The following FER variants were observed in gnomAD, a reference collection of about 807,000 sequenced individuals.
FER encodes FER tyrosine kinase.
In FER, 63 loss-of-function variants were observed where a neutral mutation model predicts 111.0. The observed-to-expected ratio is 0.57, with a 90% CI of 0.46 to 0.70. The LOEUF (loss-of-function observed/expected upper bound fraction) is 0.70, where lower values mean the gene tolerates loss of function less well. Ranked by LOEUF, FER falls within the 30% of genes least tolerant of loss-of-function variation. The pLI is 0.00. For synonymous variants in FER, 327 were observed against 313.9 expected, an observed-to-expected ratio of 1.04 and a Z score of -0.44; for missense variants, 914 against 954.0, an observed-to-expected ratio of 0.96 and a Z score of 0.55.
chr5:108,861,906 A>G (rs1430785210), intron 5 of FER, among the ~76,000 whole-genome samples: 1 of 152,216 alleles, frequency 6.6e-6, no homozygotes, highest in East Asian at 1.9e-4. Context: ...AAAGTAACAT[A>G]GAATCCCTTT....
chr5:109,120,617 T>G (rs1487451876), intron 17 of FER, among the ~76,000 whole-genome samples: 1 of 152,102 alleles, frequency 6.6e-6, no homozygotes, highest in African/African-American at 2.4e-5. Context: ...TTTAGCTTTG[T>G]TTTTTTCTGT....
intron 10 of FER, among the ~76,000 whole-genome samples, chr5:108,938,555 A>G (rs2149603511): frequency 6.6e-6 from 1 of 152,140 alleles, no homozygotes; most frequent in African/African-American, 2.4e-5. Context: ...ATTTTGCCAC[A>G]AGGGAGCACC....
chr5:108,921,482 G>T (rs1440513428), intron 10 of FER, among the ~76,000 whole-genome samples: 1 of 152,040 alleles, frequency 6.6e-6, no homozygotes, highest in Non-Finnish European at 1.5e-5. Flanking sequence ...CTATGTAGGG[G>T]AGGCTAAGTA....
intron 17 of FER, among the ~76,000 whole-genome samples, chr5:109,172,204 A>G (rs1337154688): frequency 6.6e-6 from 1 of 151,946 alleles, no homozygotes; most frequent in Non-Finnish European, 1.5e-5. Flanking sequence ...TTGCGGCACT[A>G]TTCACAATAG....
intron 13 of FER, among the ~76,000 whole-genome samples, chr5:109,016,281 T>C (rs376029367): frequency 3.3e-5 from 5 of 152,036 alleles, no homozygotes; most frequent in Admixed American, 2.0e-4. Context: ...TTCTATAGGC[T>C]GATGATAAGC....
chr5:108,894,130 G>C (rs1748659996), intron 9 of FER, among the ~76,000 whole-genome samples: 1 of 152,004 alleles, frequency 6.6e-6, no homozygotes. Context: ...GGACTGGAAG[G>C]CTTTGAAGTT....
chr5:108,983,463 T>C (rs1019913836), intron 13 of FER, among the ~76,000 whole-genome samples: 3 of 152,146 alleles, frequency 2.0e-5, no homozygotes, highest in African/African-American at 7.2e-5. Flanking sequence ...GGCAGAAATA[T>C]GGACAGCTGA....
chr5:108,987,345 C>G (rs552870933), intron 13 of FER, among the ~76,000 whole-genome samples: 25 of 152,094 alleles, frequency 1.6e-4, no homozygotes, highest in African/African-American at 5.8e-4. Flanking sequence ...ACTTGGGAGG[C>G]TAAGGCAGGA....
At chr5:109,112,519 A>G (rs995680262) in intron 17 of FER, among the ~76,000 whole-genome samples, 2 of 152,092 alleles carry the variant, frequency 1.3e-5, no homozygotes, top group African/African-American at 2.4e-5. Flanking sequence ...CCACTGCTTC[A>G]AAGCAGGCTC....
At chr5:109,145,361 C>T (rs1753970473) in intron 17 of FER, among the ~76,000 whole-genome samples, 1 of 152,022 alleles carries the variant, frequency 6.6e-6, no homozygotes, top group East Asian at 1.9e-4. Context: ...CTTTGCTAAG[C>T]TTTACAACAA....
intron 18 of FER, 68 bp downstream of exon 18, chr5:109,180,969 C>G: frequency 7.5e-7 from 1 of 1,339,774 alleles, no homozygotes; most frequent in Non-Finnish European, 1.0e-6. Context: ...CATTCACAAG[C>G]AATATTTACA....
At chr5:109,006,435 C>G (rs982929996) in intron 13 of FER, among the ~76,000 whole-genome samples, 1 of 152,172 alleles carries the variant, frequency 6.6e-6, no homozygotes, top group Non-Finnish European at 1.5e-5. Context: ...TGAGACAAGC[C>G]TTTGCTTCTT....
intron 17 of FER, among the ~76,000 whole-genome samples, chr5:109,155,188 A>G (rs1444365496): frequency 2.0e-5 from 3 of 151,908 alleles, no homozygotes; most frequent in Non-Finnish European, 4.4e-5. Context: ...GGGAATGAAG[A>G]ACCAGATATT....
chr5:109,157,462 T>G (rs1271415856), intron 17 of FER, among the ~76,000 whole-genome samples: 1 of 152,150 alleles, frequency 6.6e-6, no homozygotes, highest in Non-Finnish European at 1.5e-5. Flanking sequence ...AATTTTCTGC[T>G]GGAGTGTACA....
At chr5:108,958,181 TC>T (rs1317852516) in intron 12 of FER, among the ~76,000 whole-genome samples, 1 of 151,784 alleles carries the variant, frequency 6.6e-6, no homozygotes, top group Non-Finnish European at 1.5e-5. Flanking sequence ...ATACATTCAA[TC>T]TTTTTTATTT....
At position 108,849,610 on chromosome 5, in the gene FER, C is replaced by G. The variant is rs182904376; in HGVS notation, c.481+13803C>G. Among the ~76,000 whole-genome samples, 29 of 152,236 alleles carry G rather than the reference C, an allele frequency of 1.9e-4. 1 individual carries two copies. The highest frequency in any genetic ancestry group is 1.1e-3 in the Admixed American group (17 of 15,286). ...AACATACTGAATACCACTATAATAA[C>G]TGTTTTGAAATCCTTGTCACCCAGT... On this transcript the variant is annotated intron_variant, in intron 5 of 19. Coordinates refer to ENST00000281092, the MANE Select transcript of FER (RefSeq NM_005246.4).
Position 109,190,765 on chromosome 5 carries a change from G to A in FER, c.*3190G>A, listed in dbSNP as rs1285035425. The A allele has an allele frequency of 6.6e-6, 1 of 151,968 alleles. No individual in the cohort carries two copies. The highest frequency in any genetic ancestry group is 1.5e-5 in the Non-Finnish European group (1 of 67,970). The allele number at this position is 151,968 out of a possible 1,614,324, so 9.4% of individuals were successfully genotyped here. On this transcript the variant is annotated 3_prime_UTR_variant, in exon 20 of 20. Transcript: ENST00000281092. ...TCTTTTATCTCCCAAATTTAATGTG[G>A]GCAATAAAATTCTCCTTTCGTAATT... is the stretch of plus-strand genomic sequence containing the variant.
chr5:108,936,366 A>T (rs1185036718), intron 10 of FER, among the ~76,000 whole-genome samples: 2 of 151,978 alleles, frequency 1.3e-5, no homozygotes, highest in African/African-American at 2.4e-5. Flanking sequence ...TGATAATTGT[A>T]GTTTGGATGA....
rs570337087 is a variant in FER at position 108,835,574 on chromosome 5, A to G, written c.382-134A>G. The G allele has an allele frequency of 2.3e-5, 11 of 480,224 alleles. No individual in the cohort carries two copies. The South Asian group carries it at 2.9e-4, about 12-fold the overall frequency. The allele number at this position is 480,224 out of a possible 1,614,324, so 29.7% of individuals were successfully genotyped here. Reference sequence around the variant, plus strand: ...AAAACATACTTGTAGTTTATTTTCTATAGTTGTATATTAAAGGACAACTCT... The same window carrying G: ...AAAACATACTTGTAGTTTATTTTCTGTAGTTGTATATTAAAGGACAACTCT... On this transcript the variant is annotated intron_variant, in intron 4 of 19. Transcript: ENST00000281092.
Sources: allele counts gnomAD v4.1 joint callset (sites outside exome capture counted in the v4.1 genomes callset), GRCh38; gene constraint gnomAD v4.1.1; transcripts MANE v1.5; gene names NCBI Gene and HGNC (gene_info 2026-07-23, HGNC 2026-07-21).